The following ANAPC5 variants were observed in gnomAD, a reference collection of about 807,000 sequenced individuals.
The protein encoded by ANAPC5 is anaphase promoting complex subunit 5, also known as anaphase-promoting complex subunit 5.
In ANAPC5, 60 loss-of-function variants were observed where a neutral mutation model predicts 91.3. The observed-to-expected ratio is 0.66, with a 90% CI of 0.53 to 0.81. The LOEUF is 0.81. Ranked by LOEUF, ANAPC5 falls within the 40% of genes least tolerant of loss-of-function variation. The pLI is 0.00. For synonymous variants in ANAPC5, 340 were observed against 364.1 expected (o/e 0.93, Z 0.75); for missense variants, 690 against 931.5 (o/e 0.74, Z 3.37).
chr12:121,346,840 G>A, intron 3 of ANAPC5, 56 bp downstream of exon 3: 1 of 1,082,362 alleles, frequency 9.2e-7, no homozygotes, highest in South Asian at 1.5e-5. Flanking sequence ...ACATGACTTA[G>A]AAAGCTGCTC....
At chr12:121,345,612 G>A (rs782146233) in intron 4 of ANAPC5, among the ~76,000 whole-genome samples, 6 of 151,982 alleles carry the variant, frequency 3.9e-5, no homozygotes, top group East Asian at 1.9e-4. Flanking sequence ...CACACTCCAC[G>A]TCATTCTCCC....
intron 7 of ANAPC5, 41 bp downstream of exon 7, chr12:121,335,492 G>A: frequency 6.5e-7 from 1 of 1,546,730 alleles, no homozygotes; most frequent in Non-Finnish European, 8.8e-7. Context: ...ATTGTCATCG[G>A]TTCCTTCAAT....
At chr12:121,334,617 C>T (rs1490754161) in intron 7 of ANAPC5, 2 of 152,050 alleles carry the variant, frequency 1.3e-5, no homozygotes, top group African/African-American at 2.4e-5. Context: ...CATAATTGAT[C>T]GATTTTCCTA....
At chr12:121,329,385 C>T (rs1902945746) in intron 9 of ANAPC5, among the ~76,000 whole-genome samples, 1 of 152,180 alleles carries the variant, frequency 6.6e-6, no homozygotes, top group Admixed American at 6.5e-5. Context: ...AACTCCTGAC[C>T]TCACGATCCA....
chr12:121,352,042 G>T, intron 1 of ANAPC5, 92 bp downstream of exon 1: 2 of 1,187,186 alleles, frequency 1.7e-6, no homozygotes, highest in Non-Finnish European at 2.3e-6. Context: ...AGTATCTGAT[G>T]GACACGAGTG....
intron 11 of ANAPC5, among the ~76,000 whole-genome samples, chr12:121,322,449 G>A (rs908558689): frequency 5.3e-5 from 8 of 152,216 alleles, no homozygotes; most frequent in South Asian, 2.1e-4. Context: ...ATGAGCCACC[G>A]TGTCCAGCTT....
Position 121,335,689 on chromosome 12 carries a change from T to C in ANAPC5, c.794A>G (p.Gln265Arg). 6.2e-7 allele frequency: 1 copy of C among 1,610,644 alleles called. No individual in the cohort carries two copies. Among genetic ancestry groups the C allele is most frequent in the Non-Finnish European group, 8.5e-7 (1 of 1,177,042 alleles). ...YLSYLNNLRV[Q>R]DVFSSTHSLL... Reference sequence around the variant, plus strand: ...ACTGTGTGTTGAACTGAAAACATCTTGGACACGGAGGTTGTTTAAGTAGCT... The same window carrying C: ...ACTGTGTGTTGAACTGAAAACATCTCGGACACGGAGGTTGTTTAAGTAGCT... Residue 265 changes from glutamine to arginine, a missense_variant, in exon 7 of 17, where the codon CAA (glutamine) becomes CGA (arginine). Around this residue, in one of 5 missense-constraint regions of ANAPC5, gnomAD observed 83 missense variants for 150.8 expected, o/e 0.55. Coordinates refer to ENST00000261819, the MANE Select transcript of ANAPC5 (RefSeq NM_016237.5).
At chr12:121,349,734 T>TC (rs1261836090) in intron 1 of ANAPC5, among the ~76,000 whole-genome samples, 2 of 149,978 alleles carry the variant, frequency 1.3e-5, no homozygotes, top group Non-Finnish European at 3.0e-5. Flanking sequence ...TTTTTTTTTT[T>TC]TTGGAGACGG....
At position 121,352,271 on chromosome 12, in the gene ANAPC5, A is replaced by T; in HGVS notation, c.70T>A (p.Phe24Ile). The change falls in exon 1 of 17, where the codon TTC becomes ATC. Residue 24 changes from phenylalanine to isoleucine, a missense_variant. Around this residue, in one of 5 missense-constraint regions of ANAPC5, gnomAD observed 238 missense variants for 264.9 expected, o/e 0.90. Coordinates refer to ENST00000261819, the MANE Select transcript of ANAPC5 (RefSeq NM_016237.5). ...GGCGTCACCCAGTCCTTGATGCCGAACACATTGGCGTGCACAACCCCATTG... is the reference window on the plus strand; with the variant it reads ...GGCGTCACCCAGTCCTTGATGCCGATCACATTGGCGTGCACAACCCCATTG... ...MTNGVVHANV[F>I]GIKDWVTPYK... 6.2e-7 allele frequency: 1 copy of T among 1,614,166 alleles called. No individual in the cohort carries two copies. The highest frequency in any genetic ancestry group is 8.5e-7 in the Non-Finnish European group (1 of 1,179,990).
At chr12:121,329,617 CTTT>C (rs201582258) in intron 9 of ANAPC5, among the ~76,000 whole-genome samples, 4 of 138,050 alleles carry the variant, frequency 2.9e-5, no homozygotes, top group Admixed American at 7.3e-5. Flanking sequence ...CTTGTGCTTC[CTTT>C]TTTTTTTTTT....
chr12:121,351,643 G>C (rs1903896389), intron 1 of ANAPC5, among the ~76,000 whole-genome samples: 1 of 151,988 alleles, frequency 6.6e-6, no homozygotes, highest in African/African-American at 2.4e-5. Flanking sequence ...GTTTTTAGTA[G>C]AGACGGGGTT....
intron 15 of ANAPC5, among the ~76,000 whole-genome samples, chr12:121,314,624 C>CT (rs543772258): frequency 0.052 from 7,618 of 145,366 alleles, 430 homozygotes; most frequent in East Asian, 0.15. Flanking sequence ...AGGACATACA[C>CT]TTTTTTTTTT....
intron 1 of ANAPC5, chr12:121,351,272 C>G (rs782240354): frequency 9.3e-6 from 3 of 321,290 alleles, no homozygotes; most frequent in Non-Finnish European, 1.8e-5. Flanking sequence ...ACTTGGGAGG[C>G]TGAGGTGGGA....
intron 11 of ANAPC5, among the ~76,000 whole-genome samples, chr12:121,323,816 T>C (rs112043055): frequency 6.6e-6 from 1 of 152,078 alleles, no homozygotes; most frequent in Non-Finnish European, 1.5e-5. Context: ...AACTGGCCAG[T>C]CTCACCAATT....
chr12:121,324,663 A>G (rs1399170372), intron 11 of ANAPC5, among the ~76,000 whole-genome samples: 1 of 152,204 alleles, frequency 6.6e-6, no homozygotes, highest in Non-Finnish European at 1.5e-5. Flanking sequence ...AGGCCAAGGC[A>G]GGAAGATCAC....
chr12:121,320,611 T>C (rs1902557522), intron 11 of ANAPC5, 152 bp from the exon 12 acceptor site: 1 of 440,510 alleles, frequency 2.3e-6, no homozygotes, highest in East Asian at 3.8e-5. Flanking sequence ...TTTTCTTTCT[T>C]TTTTTTTTTT....
intron 8 of ANAPC5, 162 bp downstream of exon 8, chr12:121,331,185 T>G: frequency 5.3e-6 from 3 of 561,896 alleles, no homozygotes; most frequent in Non-Finnish European, 3.2e-6. Flanking sequence ...GAAAGGTAAG[T>G]AAAGATAAGT....
At chr12:121,320,621 T>TTG in intron 11 of ANAPC5, 162 bp from the exon 12 acceptor site, 4 of 491,234 alleles carry the variant, frequency 8.1e-6, no homozygotes, top group South Asian at 3.3e-5. Context: ...TTTTTTTTTT[T>TTG]GGGACAGAGT....
chr12:121,318,145 G>C, intron 15 of ANAPC5, 132 bp downstream of exon 15: 1 of 1,155,504 alleles, frequency 8.7e-7, no homozygotes. Context: ...GGCTTGCACA[G>C]GAAGACTACC....
Sources: gnomAD v4.1 joint callset for allele counts (sites outside exome capture counted in the v4.1 genomes callset) on GRCh38, gnomAD v4.1.1 for gene constraint, gnomAD v4.1.1 regional missense constraint, MANE v1.5 for transcripts, NCBI Gene and HGNC (gene_info 2026-07-23, HGNC 2026-07-21) for gene names.